EYS: variants seen among roughly 807,000 people sequenced by gnomAD.
The protein encoded by EYS is protein eyes shut homolog.
A neutral mutation model predicts 282.1 loss-of-function variants in EYS; 250 were observed. That is an observed-to-expected ratio of 0.89 (90% CI 0.80 to 0.98). The LOEUF (loss-of-function observed/expected upper bound fraction) is 0.98. EYS is among the 50% of genes least tolerant of loss of function. The pLI is 0.00. For missense variants in EYS, 4,016 were observed against 3,709.0 expected (o/e 1.08, Z -2.15); for synonymous variants, 1,355 against 1,282.9 (o/e 1.06, Z -1.20).
intron 29 of EYS, among the ~76,000 whole-genome samples, chr6:64,384,739 G>A (rs375658173): frequency 2.2e-4 from 33 of 152,254 alleles, no homozygotes; most frequent in East Asian, 2.1e-3. Context: ...CTCAGACCTT[G>A]AAAGTTATCA....
chr6:63,876,633 G>A (rs1164822901), intron 35 of EYS, among the ~76,000 whole-genome samples: 2 of 152,188 alleles, frequency 1.3e-5, no homozygotes, highest in Non-Finnish European at 2.9e-5. Flanking sequence ...CTAAGGGCTT[G>A]CTTTATGAAT....
chr6:64,122,399 G>C (rs1171117835), intron 31 of EYS, among the ~76,000 whole-genome samples: 1 of 151,980 alleles, frequency 6.6e-6, no homozygotes, highest in Non-Finnish European at 1.5e-5. Flanking sequence ...AGATTTCTAA[G>C]GAAATATACC....
chr6:63,857,887 G>A, intron 36 of EYS: 1 of 189,466 alleles, frequency 5.3e-6, no homozygotes. Flanking sequence ...TCTTTGGGGT[G>A]GGGACTCTTA....
chr6:64,275,238 C>T (rs1377257443), intron 30 of EYS, among the ~76,000 whole-genome samples: 3 of 152,176 alleles, frequency 2.0e-5, no homozygotes, highest in Admixed American at 6.5e-5. Flanking sequence ...GCGATTGGTG[C>T]TAACCCGTCT....
At position 64,398,469 on chromosome 6, in the gene EYS, G is replaced by T. The variant is rs1773449012; in HGVS notation, c.5928-9629C>A. Among the ~76,000 whole-genome samples the T allele has an allele frequency of 2.0e-5, 3 of 151,694 alleles. No homozygotes were observed. In the South Asian group the frequency reaches 6.2e-4, roughly 32 times the overall value. ...ATGACACTGGAAAGTCTGTTGTTTG[G>T]TGAAGTGTTCTTGATATGTGAATAT... On this transcript the variant is annotated intron_variant, in intron 28 of 42. Transcript: ENST00000503581.
intron 12 of EYS, among the ~76,000 whole-genome samples, chr6:65,187,795 T>A (rs1296763666): frequency 6.6e-6 from 1 of 151,714 alleles, no homozygotes; most frequent in Non-Finnish European, 1.5e-5. Flanking sequence ...TGGCTACCAT[T>A]TACTCTGAAA....
At chr6:65,574,815 A>C (rs186577738) in intron 2 of EYS, among the ~76,000 whole-genome samples, 30 of 152,226 alleles carry the variant, frequency 2.0e-4, no homozygotes, top group African/African-American at 6.7e-4. Flanking sequence ...ACAGAAAACA[A>C]ATTTCTCTCA....
chr6:64,155,931 C>A (rs1774900503), intron 31 of EYS, among the ~76,000 whole-genome samples: 2 of 152,004 alleles, frequency 1.3e-5, no homozygotes, highest in South Asian at 4.2e-4. Context: ...CCGCACAAAA[C>A]CCTTCAGCTA....
Position 64,460,951 on chromosome 6 carries a change from G to A in EYS, c.5645-21599C>T, listed in dbSNP as rs182548846. Among the ~76,000 whole-genome samples the A allele has an allele frequency of 7.2e-5, 11 of 152,222 alleles. No homozygotes were observed. The East Asian group carries it at 1.7e-3, about 24-fold the overall frequency. ...AAAAAATTCATTCTTCTCAAAATTT[G>A]GGGATATAGGTATACAGACAAAGAC... On this transcript the variant is annotated intron_variant, in intron 26 of 42. Coordinates refer to ENST00000503581, the MANE Select transcript of EYS (RefSeq NM_001142800.2).
chr6:65,529,101 A>T (rs573309571), intron 2 of EYS, among the ~76,000 whole-genome samples: 1 of 152,220 alleles, frequency 6.6e-6, no homozygotes, highest in African/African-American at 2.4e-5. Flanking sequence ...ATTATGACTG[A>T]TTAGGCTTTA....
intron 22 of EYS, among the ~76,000 whole-genome samples, chr6:64,659,849 C>T (rs1340381776): frequency 6.6e-6 from 1 of 152,068 alleles, no homozygotes; most frequent in Non-Finnish European, 1.5e-5. Context: ...TTATTCCAAT[C>T]AATAGAAAAA....
rs567272589 is a variant in EYS at position 64,336,394 on chromosome 6, T to C, written c.6079-29312A>G. 8.5e-5 allele frequency among the ~76,000 whole-genome samples: 13 copies of C among 152,098 alleles called. No homozygotes were observed. In the South Asian group the frequency reaches 2.1e-3, roughly 24 times the overall value. On this transcript the variant is annotated intron_variant, in intron 29 of 42. Transcript: ENST00000503581. ...TTAAAAGACACAAAGAGGGACATTA[T>C]ATAAAGGGCCTTGTCCAACAGGAAA...
chr6:64,250,586 A>G (rs1767178269), intron 30 of EYS, among the ~76,000 whole-genome samples: 1 of 152,230 alleles, frequency 6.6e-6, no homozygotes, highest in Non-Finnish European at 1.5e-5. Context: ...AGTTAGACAC[A>G]ATCATTTTAC....
chr6:65,649,649 A>G (rs1767582306), intron 1 of EYS, among the ~76,000 whole-genome samples: 1 of 152,214 alleles, frequency 6.6e-6, no homozygotes, highest in Non-Finnish European at 1.5e-5. Flanking sequence ...ATTCTTTTTT[A>G]TTAGACCATT....
intron 5 of EYS, among the ~76,000 whole-genome samples, chr6:65,447,872 G>T (rs1768736697): frequency 6.6e-6 from 1 of 151,966 alleles, no homozygotes; most frequent in Admixed American, 6.6e-5. Flanking sequence ...TGTTGGCAGA[G>T]AATGGAAGAA....
intron 31 of EYS, among the ~76,000 whole-genome samples, chr6:64,194,519 C>T (rs1219064826): frequency 6.6e-6 from 1 of 152,056 alleles, no homozygotes; most frequent in Non-Finnish European, 1.5e-5. Flanking sequence ...TCATGACTTA[C>T]ATATTATTGA....
At chr6:64,026,379 A>G (rs1201175275) in intron 33 of EYS, among the ~76,000 whole-genome samples, 1 of 152,160 alleles carries the variant, frequency 6.6e-6, no homozygotes, top group Non-Finnish European at 1.5e-5. Flanking sequence ...TCAGGCATCA[A>G]CAGGATCACC....
intron 7 of EYS, among the ~76,000 whole-genome samples, chr6:65,391,262 A>G (rs1380512225): frequency 3.3e-5 from 5 of 152,148 alleles, no homozygotes; most frequent in South Asian, 2.1e-4. Context: ...TTGTACTAAT[A>G]GTAGCAAAAG....
chr6:65,157,226 A>C (rs2150219117), intron 12 of EYS, among the ~76,000 whole-genome samples: 1 of 150,196 alleles, frequency 6.7e-6, no homozygotes, highest in East Asian at 2.0e-4. Context: ...CTCTGTGATT[A>C]CGTAATCTAC....
Sources: gnomAD v4.1 joint callset for allele counts (sites outside exome capture counted in the v4.1 genomes callset) on GRCh38, gnomAD v4.1.1 for gene constraint, MANE v1.5 for transcripts, NCBI Gene and HGNC (gene_info 2026-07-23, HGNC 2026-07-21) for gene names.